ERAP2: variants seen among roughly 807,000 people sequenced by gnomAD.
ERAP2 encodes the protein endoplasmic reticulum aminopeptidase 2.
Under a neutral mutation model 111.1 loss-of-function variants are expected in ERAP2, and 118 were observed. The ratio of observed to expected loss-of-function variants is 1.06; its 90% confidence interval spans 0.92 to 1.24. The LOEUF is 1.24. Ranked by LOEUF, ERAP2 falls within the 50% of genes most tolerant of loss-of-function variation. The pLI is 0.00. For missense variants in ERAP2, 1,131 were observed against 1,125.8 expected (o/e 1.00, Z -0.07); for synonymous variants, 410 against 401.2 (o/e 1.02, Z -0.26).
intron 13 of ERAP2, among the ~76,000 whole-genome samples, chr5:96,906,941 T>A (rs1786156032): frequency 6.6e-6 from 1 of 152,148 alleles, no homozygotes; most frequent in Admixed American, 6.5e-5. Flanking sequence ...GGCAGGAGAA[T>A]CGCTTGAACC....
chr5:96,894,514 A>T (rs201615228), intron 6 of ERAP2, among the ~76,000 whole-genome samples: 22 of 32,372 alleles, frequency 6.8e-4, no homozygotes, highest in Admixed American at 1.9e-3. Flanking sequence ...CTAGATGTGC[A>T]GTATTAGGCA....
intron 7 of ERAP2, 96 bp from the exon 8 acceptor site, chr5:96,896,277 T>G: frequency 1.0e-6 from 1 of 971,910 alleles, no homozygotes; most frequent in Non-Finnish European, 1.5e-6. Context: ...GATTGAAATC[T>G]TACCTCTAAG....
intron 6 of ERAP2, among the ~76,000 whole-genome samples, chr5:96,894,473 C>G (rs1007707547): frequency 6.6e-6 from 1 of 151,730 alleles, no homozygotes; most frequent in Middle Eastern, 3.2e-3. Flanking sequence ...AGCTTTGGTC[C>G]GTCTAGAGAT....
intron 5 of ERAP2, 123 bp from the exon 6 acceptor site, chr5:96,892,176 T>C: frequency 1.1e-6 from 1 of 923,872 alleles, no homozygotes; most frequent in Non-Finnish European, 1.7e-6. Context: ...TAAGATATTC[T>C]TGATGTTTTC....
At chr5:96,914,148 T>TCTCTCACACACACACA (rs34158080) in intron 17 of ERAP2, among the ~76,000 whole-genome samples, 31 of 148,080 alleles carry the variant, frequency 2.1e-4, no homozygotes, top group Admixed American at 3.4e-4. Flanking sequence ...TCTCTCTCTC[T>TCTCTCACACACACACA]CACACACACA....
intron 2 of ERAP2, among the ~76,000 whole-genome samples, chr5:96,882,337 A>C (rs931175727): frequency 1.3e-5 from 2 of 152,136 alleles, no homozygotes; most frequent in African/African-American, 4.8e-5. Flanking sequence ...ATTTGGAGTA[A>C]AGCTGTAGGA....
chr5:96,903,075 C>T (rs547049390), intron 12 of ERAP2, among the ~76,000 whole-genome samples: 10 of 152,228 alleles, frequency 6.6e-5, no homozygotes, highest in Admixed American at 2.6e-4. Flanking sequence ...GCCAAATTCC[C>T]GTCATGCTAG....
rs1375631018 is a variant in ERAP2 at position 96,917,484 on chromosome 5, T to C, written c.2762T>C (p.Leu921Pro). 13 of 1,612,484 alleles carry C rather than the reference T, an allele frequency of 8.1e-6. No homozygotes were observed. Among genetic ancestry groups the C allele is most frequent in the Non-Finnish European group, 5.9e-6 (7 of 1,179,466 alleles). ...CAGGTGAAACTATTTTTTGAATCTCTTGAGGCTCAAGGATCACATCTGGAT... is the reference window on the plus strand; with the variant it reads ...CAGGTGAAACTATTTTTTGAATCTCCTGAGGCTCAAGGATCACATCTGGAT... Reference protein sequence around the residue: ...LQEVKLFFESLEAQGSHLDIF... With the variant: ...LQEVKLFFESPEAQGSHLDIF... The change falls in exon 19 of 19, where the codon CTT (leucine) becomes CCT (proline). Residue 921 changes from leucine to proline, a missense_variant. Transcript: ENST00000437043.
rs764730560 is a variant in ERAP2, at chr5:96,909,118, G to T, written c.2169+1G>T. ...TTCAGATATCTCTGAAAACCTCAAG[G>T]TTTGTGTTGCTTTTAGAAAATGTAT... On this transcript the variant is annotated splice_donor_variant, in intron 14 of 18. Coordinates refer to ENST00000437043, the MANE Select transcript of ERAP2 (RefSeq NM_022350.5). LOFTEE classifies it high-confidence loss of function. The T allele has an allele frequency of 1.6e-5, 26 of 1,613,666 alleles. No individual in the cohort carries two copies. The highest frequency in any genetic ancestry group is 2.2e-5 in the Non-Finnish European group (26 of 1,179,780).
rs1331408026 is a variant in ERAP2, at chr5:96,903,451, T to C, written c.1903T>C (p.Tyr635His). 6.2e-7 allele frequency: 1 copy of C among 1,614,062 alleles called. No homozygotes were observed. Residue 635 changes from tyrosine to histidine, a missense_variant, in exon 13 of 19, where the codon TAT becomes CAT. Coordinates refer to ENST00000437043, the MANE Select transcript of ERAP2 (RefSeq NM_022350.5). ...VDSNGYYIVHYEGHGWDQLIT... is the reference protein window; with the variant it reads ...VDSNGYYIVHHEGHGWDQLIT... ...CTCAAATGGTTACTACATCGTTCAC[T>C]ATGAGGGTCATGGATGGGACCAACT...
Position 96,901,592 on chromosome 5 carries a change from AC to A in ERAP2, c.1660del (p.Gln554LysfsTer37). Reference sequence around the variant, plus strand: ...AAGGAATCCCCCTGCTGGTGGTTAAACAAGACGGGTGTTCACTCCGACTGCA... The same window carrying A: ...AAGGAATCCCCCTGCTGGTGGTTAAAAAGACGGGTGTTCACTCCGACTGCA... ...QKGIPLLVVK[Q>X]DGCSLRLQQE... On this transcript the variant is annotated frameshift_variant, in exon 11 of 19. Transcript: ENST00000437043. LOFTEE classifies it high-confidence loss of function. The A allele has an allele frequency of 6.2e-7, 1 of 1,614,128 alleles. No homozygotes were observed.
chr5:96,902,282 G>A lies in ERAP2; in HGVS notation c.1757G>A (p.Trp586Ter), dbSNP rs529534272. The A allele has an allele frequency of 6.2e-7, 1 of 1,604,292 alleles. No individual in the cohort carries two copies. ...EWRALQERYLWHIPLTYSTSS... is the reference protein window; with the variant it reads ...EWRALQERYL Reference sequence around the variant, plus strand: ...TTTACTCTCTGTCATAGGTACCTGTGGCATATCCCATTGACCTACTCCACG... The same window carrying A: ...TTTACTCTCTGTCATAGGTACCTGTAGCATATCCCATTGACCTACTCCACG... Residue 586 changes from tryptophan (W) to a stop codon, truncating the protein, a stop_gained, in exon 12 of 19, where the codon TGG (tryptophan) becomes TAG (stop). Transcript: ENST00000437043. LOFTEE classifies it high-confidence loss of function.
At chr5:96,907,099 A>G (rs193043097) in intron 13 of ERAP2, among the ~76,000 whole-genome samples, 1 of 152,322 alleles carries the variant, frequency 6.6e-6, no homozygotes, top group East Asian at 1.9e-4. Flanking sequence ...TTATTTCTCA[A>G]AGGTACAATC....
intron 14 of ERAP2, among the ~76,000 whole-genome samples, 194 bp downstream of exon 14, chr5:96,909,311 T>C (rs1786450378): frequency 6.6e-6 from 1 of 152,220 alleles, no homozygotes; most frequent in Non-Finnish European, 1.5e-5. Flanking sequence ...CAGGATCATG[T>C]GCAAAACATC....
At position 96,883,805 on chromosome 5, in the gene ERAP2, A is replaced by G; in HGVS notation, c.589A>G (p.Thr197Ala). Reference sequence around the variant, plus strand: ...GTCTTTTCACAGAATTCTTGCAGTAACAGATTTTGAGCCAACCCAGGCACG... The same window carrying G: ...GTCTTTTCACAGAATTCTTGCAGTAGCAGATTTTGAGCCAACCCAGGCACG... ...LGGETRILAV[T>A]DFEPTQARMA... Residue 197 changes from threonine (T) to alanine (A), a missense_variant, in exon 3 of 19, where the codon ACA (threonine) becomes GCA (alanine). Transcript: ENST00000437043. 6.2e-7 allele frequency: 1 copy of G among 1,610,664 alleles called. No homozygotes were observed. The highest frequency in any genetic ancestry group is 8.5e-7 in the Non-Finnish European group (1 of 1,179,056).
chr5:96,896,810 A>T lies in ERAP2; in HGVS notation c.1450A>T (p.Lys484Ter). ...FQKGIIQYLK[K>*]FSYRNAKNDD... ...GAAAGGAATAATTCAGTACTTAAAG[A>T]AGTTCAGCTATAGAAATGCTAAGAA... The change falls in exon 9 of 19, where the codon AAG (lysine) becomes TAG (stop). Residue 484 changes from lysine to a stop codon, truncating the protein, a stop_gained. Coordinates refer to ENST00000437043, the MANE Select transcript of ERAP2 (RefSeq NM_022350.5). LOFTEE classifies it high-confidence loss of function. The T allele has an allele frequency of 7.4e-7, 1 of 1,343,006 alleles. No homozygotes were observed. Among genetic ancestry groups the T allele is most frequent in the Non-Finnish European group, 9.7e-7 (1 of 1,032,530 alleles). The allele number at this position is 1,343,006 out of a possible 1,614,324, so 83.2% of individuals were successfully genotyped here. A position where few individuals can be genotyped will look rare whatever the true frequency, so the allele number is the denominator to read the frequency against.
intron 9 of ERAP2, among the ~76,000 whole-genome samples, 183 bp from the exon 10 acceptor site, chr5:96,899,938 T>C (rs889158157): frequency 1.3e-5 from 2 of 152,234 alleles, no homozygotes; most frequent in Non-Finnish European, 2.9e-5. Flanking sequence ...GAAATAACTT[T>C]TGTGGACTTC....
intron 5 of ERAP2, among the ~76,000 whole-genome samples, chr5:96,891,365 ATATG>A (rs908866385): frequency 4.3e-5 from 4 of 93,502 alleles, no homozygotes; most frequent in Admixed American, 2.5e-4. Context: ...GTGTATATAT[ATATG>A]TGTATATATA....
chr5:96,878,831 G>A (rs751256246), intron 1 of ERAP2, among the ~76,000 whole-genome samples: 10 of 152,166 alleles, frequency 6.6e-5, no homozygotes, highest in African/African-American at 9.7e-5. Context: ...GGGAGGCTGA[G>A]GGAGAAGAAT....
Sources: allele counts gnomAD v4.1 joint callset (sites outside exome capture counted in the v4.1 genomes callset), GRCh38; gene constraint gnomAD v4.1.1; transcripts MANE v1.5; gene names NCBI Gene and HGNC (gene_info 2026-07-23, HGNC 2026-07-21).